The following RBFOX1 variants were observed in gnomAD, a reference collection of about 807,000 sequenced individuals.
The protein encoded by RBFOX1 is RNA binding protein fox-1 homolog 1.
In RBFOX1, 8 loss-of-function variants were observed where a neutral mutation model predicts 57.7. That is an observed-to-expected ratio of 0.14 (90% CI 0.08 to 0.25). RBFOX1 has a LOEUF of 0.25. Ranked by LOEUF, RBFOX1 falls within the 10% of genes least tolerant of loss-of-function variation. RBFOX1 has a pLI of 1.00. For synonymous variants in RBFOX1, 326 were observed against 222.4 expected, an observed-to-expected ratio of 1.47 and a Z score of -4.15; for missense variants, 611 against 548.5, an observed-to-expected ratio of 1.11 and a Z score of -1.14.
intron 4 of RBFOX1, among the ~76,000 whole-genome samples, chr16:7,282,823 CAT>C: frequency 1.3e-5 from 2 of 152,292 alleles, no homozygotes; most frequent in South Asian, 4.1e-4. Context: ...TGAGTGAGAA[CAT>C]ATGATGTTTG....
chr16:7,398,175 G>A (rs909059442), intron 4 of RBFOX1, among the ~76,000 whole-genome samples: 3 of 152,194 alleles, frequency 2.0e-5, no homozygotes, highest in Non-Finnish European at 2.9e-5. Flanking sequence ...AACAAGCATT[G>A]GTAGGAGATG....
intron 3 of RBFOX1, among the ~76,000 whole-genome samples, chr16:6,990,999 A>C (rs1371952090): frequency 6.6e-6 from 1 of 151,992 alleles, no homozygotes; most frequent in Non-Finnish European, 1.5e-5. Flanking sequence ...CTAATTTACT[A>C]CATCACAGTT....
intron 14 of RBFOX1, among the ~76,000 whole-genome samples, chr16:7,688,185 T>C (rs926952192): frequency 6.6e-6 from 1 of 150,598 alleles, no homozygotes; most frequent in Non-Finnish European, 1.5e-5. Context: ...TTCTCAGCTG[T>C]AGGGATTGCC....
intron 1 of RBFOX1, among the ~76,000 whole-genome samples, chr16:5,396,049 T>C (rs1345489257): frequency 6.6e-6 from 1 of 152,214 alleles, no homozygotes; most frequent in Non-Finnish European, 1.5e-5. Context: ...AACTAAGCCA[T>C]GCCTAGACCT....
chr16:5,648,720 G>C (rs1001339068), intron 3 of RBFOX1, among the ~76,000 whole-genome samples: 1 of 152,108 alleles, frequency 6.6e-6, no homozygotes, highest in African/African-American at 2.4e-5. Context: ...TGAGGATATG[G>C]AGTTAGTTTT....
At chr16:6,845,855 A>T (rs11864018) in intron 3 of RBFOX1, among the ~76,000 whole-genome samples, 1 of 152,196 alleles carries the variant, frequency 6.6e-6, no homozygotes, top group South Asian at 2.1e-4. Flanking sequence ...TCTCAGTCCC[A>T]CTTGTGTATG....
intron 2 of RBFOX1, among the ~76,000 whole-genome samples, chr16:6,592,788 A>C (rs1055902736): frequency 6.6e-6 from 1 of 152,138 alleles, no homozygotes; most frequent in African/African-American, 2.4e-5. Context: ...GTTGTAGGCA[A>C]ATGTTCCCTG....
chr16:6,096,051 C>T (rs2096241976), intron 1 of RBFOX1, among the ~76,000 whole-genome samples: 1 of 152,342 alleles, frequency 6.6e-6, no homozygotes, highest in East Asian at 1.9e-4. Context: ...ATGGAAGTCT[C>T]ATCATGTGTC....
At chr16:7,631,268 C>T (rs773001924) in intron 11 of RBFOX1, among the ~76,000 whole-genome samples, 4 of 152,078 alleles carry the variant, frequency 2.6e-5, no homozygotes, top group African/African-American at 9.7e-5. Flanking sequence ...TTTAAAAAAT[C>T]GGGGCACTTT....
chr16:6,450,188 C>T (rs1230827173), intron 2 of RBFOX1, among the ~76,000 whole-genome samples: 1 of 152,140 alleles, frequency 6.6e-6, no homozygotes, highest in Non-Finnish European at 1.5e-5. Flanking sequence ...CAAATCCCAG[C>T]TCTGCTTTTT....
chr16:6,923,638 C>T (rs1390959161), intron 3 of RBFOX1, among the ~76,000 whole-genome samples: 1 of 152,136 alleles, frequency 6.6e-6, no homozygotes, highest in Non-Finnish European at 1.5e-5. Flanking sequence ...AGCAGGGGAG[C>T]ATGGAAGATG....
chr16:6,802,718 T>A (rs1401649639), intron 3 of RBFOX1, among the ~76,000 whole-genome samples: 1 of 152,220 alleles, frequency 6.6e-6, no homozygotes, highest in Non-Finnish European at 1.5e-5. Flanking sequence ...GGTTTTTATA[T>A]TCCTTTATTC....
At chr16:5,975,527 G>T (rs1003105206) in intron 4 of RBFOX1, among the ~76,000 whole-genome samples, 2 of 152,150 alleles carry the variant, frequency 1.3e-5, no homozygotes, top group African/African-American at 4.8e-5. Flanking sequence ...TTAGGGTCCA[G>T]ATTTTTCCCC....
intron 3 of RBFOX1, among the ~76,000 whole-genome samples, chr16:6,899,437 T>G (rs1365640352): frequency 6.6e-6 from 1 of 152,168 alleles, no homozygotes; most frequent in Non-Finnish European, 1.5e-5. Flanking sequence ...TTTTACATTT[T>G]TAGTTGGTTG....
chr16:5,393,589 C>T (rs1419453624), intron 1 of RBFOX1, among the ~76,000 whole-genome samples: 2 of 152,146 alleles, frequency 1.3e-5, no homozygotes, highest in Non-Finnish European at 1.5e-5. Context: ...TGGAGCAGAC[C>T]AGGGCCTGGT....
At chr16:6,058,833 T>C (rs11644057) in intron 1 of RBFOX1, among the ~76,000 whole-genome samples, 1,385 of 134,442 alleles carry the variant, frequency 0.01, 29 homozygotes, top group East Asian at 0.091. Context: ...CTCATTTATT[T>C]ATCCATCCAT....
At chr16:6,481,944 TG>T (rs772356737) in intron 2 of RBFOX1, among the ~76,000 whole-genome samples, 22 of 152,210 alleles carry the variant, frequency 1.4e-4, no homozygotes, top group Non-Finnish European at 1.8e-4. Context: ...CTCCTCGTTT[TG>T]TTCCTGGTAT....
chr16:7,653,836 C>T lies in RBFOX1; in HGVS notation c.779C>T (p.Ala260Val). Reference sequence around the variant, plus strand: ...GCAGTGCCAGGCTTCCCGTATCCAGCAGCCACCGCCGCGGCCGCCTACCGA... The same window carrying T: ...GCAGTGCCAGGCTTCCCGTATCCAGTAGCCACCGCCGCGGCCGCCTACCGA... ...TSAMPGFPYP[A>V]ATAAAAYRGA... Residue 260 changes from alanine to valine, a missense_variant, in exon 12 of 16, where the codon GCA (alanine) becomes GTA (valine). Transcript: ENST00000550418. The T allele has an allele frequency of 1.1e-5, 17 of 1,607,482 alleles. No homozygotes were observed. Among genetic ancestry groups the T allele is most frequent in the Non-Finnish European group, 1.4e-5 (17 of 1,179,540 alleles).
At chr16:5,915,218 A>G (rs1285627991) in intron 4 of RBFOX1, among the ~76,000 whole-genome samples, 3 of 152,196 alleles carry the variant, frequency 2.0e-5, no homozygotes, top group Non-Finnish European at 4.4e-5. Context: ...GAGTGAACAG[A>G]TCCTAAGAGG....
Sources: gnomAD v4.1 joint callset for allele counts (sites outside exome capture counted in the v4.1 genomes callset) on GRCh38, gnomAD v4.1.1 for gene constraint, MANE v1.5 for transcripts, NCBI Gene and HGNC (gene_info 2026-07-23, HGNC 2026-07-21) for gene names.